Variants in FRY observed in about 807,000 individuals in gnomAD.
FRY encodes protein furry homolog.
FRY carries 128 observed loss-of-function variants against 348.4 expected under a neutral mutation model. The observed-to-expected ratio is 0.37, with a 90% CI of 0.32 to 0.43. The LOEUF (loss-of-function observed/expected upper bound fraction) is 0.43. Among genes scored for constraint, FRY ranks in the 20% least tolerant of loss-of-function variants. The probability of loss-of-function intolerance (pLI) is 1.00; values close to 1 mark genes in which losing one functional copy is unlikely to be tolerated. For synonymous variants in FRY, 1,370 were observed against 1,374.7 expected (o/e 1.00, Z 0.08); for missense variants, 2,736 against 3,695.2 (o/e 0.74, Z 6.73).
intron 58 of FRY, among the ~76,000 whole-genome samples, chr13:32,288,744 G>A (rs989749096): frequency 6.6e-6 from 1 of 152,128 alleles, no homozygotes; most frequent in East Asian, 1.9e-4. Flanking sequence ...ACTTTCACTG[G>A]TGACTGCTGG....
At chr13:32,111,757 C>T (rs1359228580) in intron 3 of FRY, among the ~76,000 whole-genome samples, 2 of 152,178 alleles carry the variant, frequency 1.3e-5, no homozygotes, top group African/African-American at 2.4e-5. Context: ...TATATTTGGA[C>T]TCAACACTTT....
chr13:32,149,685 T>C (rs879160733), intron 13 of FRY, 63 bp from the exon 14 acceptor site: 2 of 959,214 alleles, frequency 2.1e-6, no homozygotes, highest in Admixed American at 1.8e-5. Flanking sequence ...TTGATGAAAA[T>C]AGCCATTTTC....
At chr13:32,242,681 C>A (rs1040275625) in intron 46 of FRY, among the ~76,000 whole-genome samples, 2 of 152,030 alleles carry the variant, frequency 1.3e-5, no homozygotes, top group East Asian at 1.9e-4. Context: ...ATTACAGGCA[C>A]CCACCACTAC....
At chr13:32,257,468 T>A (rs549108198) in intron 51 of FRY, among the ~76,000 whole-genome samples, 1 of 152,366 alleles carries the variant, frequency 6.6e-6, no homozygotes, top group Admixed American at 6.5e-5. Flanking sequence ...CTTTTTAGAA[T>A]CTTTAAAAGG....
intron 39 of FRY, 119 bp from the exon 40 acceptor site, chr13:32,228,337 A>AT: frequency 1.2e-6 from 1 of 832,560 alleles, no homozygotes; most frequent in African/African-American, 1.7e-5. Flanking sequence ...GAAAGCAACC[A>AT]TTTTCTCCCC....
At chr13:32,147,528 C>T (rs1880532220) in intron 12 of FRY, 143 bp downstream of exon 12, 1 of 699,456 alleles carries the variant, frequency 1.4e-6, no homozygotes, top group Non-Finnish European at 2.6e-6. Flanking sequence ...GGAACATTTT[C>T]AGGCTTTCCA....
chr13:32,205,698 G>C lies in FRY; in HGVS notation c.4019-3155G>C, dbSNP rs773443017. On this transcript the variant is annotated intron_variant, in intron 31 of 60. Coordinates refer to ENST00000542859, the MANE Select transcript of FRY (RefSeq NM_023037.3). The stretch of plus-strand genomic sequence containing the variant: ...AACAGAGAGAGCATCCAAGCAAGCT[G>C]CTGGGGTTTTGAAAGCCACTGATGA... Among the ~76,000 whole-genome samples the C allele has an allele frequency of 1.9e-4, 29 of 152,050 alleles. 1 individual carries two copies. The highest frequency in any genetic ancestry group is 5.9e-5 in the Non-Finnish European group (4 of 68,004).
At chr13:32,122,520 A>C (rs895310319) in intron 4 of FRY, among the ~76,000 whole-genome samples, 1 of 152,146 alleles carries the variant, frequency 6.6e-6, no homozygotes, top group African/African-American at 2.4e-5. Context: ...CAAAATCGGC[A>C]TACAAGGGAC....
At chr13:32,219,708 G>A (rs1349443990) in intron 36 of FRY, among the ~76,000 whole-genome samples, 4 of 152,130 alleles carry the variant, frequency 2.6e-5, no homozygotes, top group Non-Finnish European at 4.4e-5. Context: ...GCAGTGAGCC[G>A]AGATCGCGCC....
Position 32,121,477 on chromosome 13 carries a change from G to T in FRY, c.465-2809G>T, listed in dbSNP as rs555006410. 1.1e-4 allele frequency among the ~76,000 whole-genome samples: 16 copies of T among 152,178 alleles called. No homozygotes were observed. The East Asian group carries it at 2.9e-3, about 28-fold the overall frequency. On this transcript the variant is annotated intron_variant, in intron 4 of 60. Transcript: ENST00000542859. ...GTTTTTTGTTTTTATGGCCGTTCTT[G>T]CAGGAGTAAGTTGGTATCACATGTG...
At position 32,147,954 on chromosome 13, in the gene FRY, G is replaced by C. The variant is rs773143630; in HGVS notation, c.1392+7G>C. 5 of 1,471,002 alleles carry C rather than the reference G, an allele frequency of 3.4e-6. No individual in the cohort carries two copies. The Admixed American group carries it at 8.4e-5, about 25-fold the overall frequency. 91.1% of individuals were successfully genotyped at this position (1,471,002 alleles called of 1,614,324 possible). Reference sequence around the variant, plus strand: ...CATCCAGTTCATTGCCCAGGTAATGGAGAAGATTCCGGTGGTGGGAATCTT... The same window carrying C: ...CATCCAGTTCATTGCCCAGGTAATGCAGAAGATTCCGGTGGTGGGAATCTT... On this transcript the variant is annotated splice_region_variant and intron_variant, in intron 13 of 60. Coordinates refer to ENST00000542859, the MANE Select transcript of FRY (RefSeq NM_023037.3).
intron 51 of FRY, among the ~76,000 whole-genome samples, chr13:32,260,972 G>A (rs562483391): frequency 3.3e-5 from 5 of 152,320 alleles, no homozygotes; most frequent in African/African-American, 9.6e-5. Flanking sequence ...TTTCTACACC[G>A]GGACAATTAT....
chr13:32,227,158 G>T (rs1282175134), intron 39 of FRY, among the ~76,000 whole-genome samples: 2 of 152,142 alleles, frequency 1.3e-5, no homozygotes, highest in African/African-American at 4.8e-5. Context: ...ATATTCATAG[G>T]CAAGACAAAC....
intron 3 of FRY, among the ~76,000 whole-genome samples, chr13:32,111,986 G>T (rs1238757714): frequency 2.0e-5 from 3 of 152,208 alleles, no homozygotes; most frequent in African/African-American, 7.2e-5. Flanking sequence ...GCAAGCATTT[G>T]CAAGGCGCCA....
intron 51 of FRY, among the ~76,000 whole-genome samples, chr13:32,255,393 C>G (rs1887279855): frequency 6.6e-6 from 1 of 152,164 alleles, no homozygotes; most frequent in Admixed American, 6.6e-5. Flanking sequence ...CTTACCTTCC[C>G]TAAAAGGATT....
chr13:32,194,031 C>T (rs1363121296), intron 28 of FRY, 112 bp from the exon 29 acceptor site: 3 of 1,076,526 alleles, frequency 2.8e-6, no homozygotes, highest in Admixed American at 1.7e-5. Flanking sequence ...AATGAAAGCT[C>T]GGTCTTCCCT....
intron 57 of FRY, among the ~76,000 whole-genome samples, chr13:32,277,695 A>T (rs1163155183): frequency 3.3e-5 from 5 of 152,222 alleles, no homozygotes; most frequent in African/African-American, 1.2e-4. Context: ...TATTGCTGTT[A>T]TTGATGTTAT....
chr13:32,126,876 A>G (rs1361270068), intron 7 of FRY, among the ~76,000 whole-genome samples: 1 of 152,196 alleles, frequency 6.6e-6, no homozygotes, highest in Non-Finnish European at 1.5e-5. Flanking sequence ...GAGTAATGTA[A>G]TAATTCTAAT....
At position 32,131,653 on chromosome 13, in the gene FRY, A is replaced by C. The variant is rs957931723; in HGVS notation, c.717-19A>C. The C allele has an allele frequency of 1.9e-6, 3 of 1,601,972 alleles. No homozygotes were observed. The African/African-American group carries it at 4.0e-5, about 21-fold the overall frequency. On this transcript the variant is annotated intron_variant, in intron 7 of 60. Coordinates refer to ENST00000542859, the MANE Select transcript of FRY (RefSeq NM_023037.3). ...TTTCCTACCCAATATTTGATAAACCACTTATGTTATCTTCTTAGATTCCCT... is the reference window on the plus strand; with the variant it reads ...TTTCCTACCCAATATTTGATAAACCCCTTATGTTATCTTCTTAGATTCCCT...
Sources: gnomAD v4.1 joint callset for allele counts (sites outside exome capture counted in the v4.1 genomes callset) on GRCh38, gnomAD v4.1.1 for gene constraint, MANE v1.5 for transcripts, NCBI Gene and HGNC (gene_info 2026-07-23, HGNC 2026-07-21) for gene names.